Variants in TRIM5 observed in about 807,000 individuals in gnomAD.
TRIM5 encodes tripartite motif containing 5.
Under a neutral mutation model 35.6 loss-of-function variants are expected in TRIM5, and 31 were observed. The ratio of observed to expected loss-of-function variants is 0.87; its 90% CI spans 0.65 to 1.18. The LOEUF (loss-of-function observed/expected upper bound fraction) is 1.18, where lower values mean the gene tolerates loss of function less well. Among genes scored for constraint, TRIM5 ranks in the 50% most tolerant of loss-of-function variants. The pLI, the probability that TRIM5 is intolerant of heterozygous loss-of-function variation, is 0.00. For synonymous variants in TRIM5, 243 were observed against 215.6 expected, an observed-to-expected ratio of 1.13 and a Z score of -1.11; for missense variants, 609 against 591.6, an observed-to-expected ratio of 1.03 and a Z score of -0.31.
the TRIM5 span, among the ~76,000 whole-genome samples, chr11:5,637,293 G>C: frequency 6.6e-6 from 1 of 152,180 alleles, no homozygotes; most frequent in Non-Finnish European, 1.5e-5. Context: ...GGGATGGATG[G>C]TGTTATCATA....
intron 4 of TRIM5, among the ~76,000 whole-genome samples, chr11:5,672,669 A>C (rs1191772630): frequency 6.6e-6 from 1 of 152,226 alleles, no homozygotes; most frequent in East Asian, 1.9e-4. Flanking sequence ...TTATTTCCCA[A>C]AGTATTTTCT....
At chr11:5,642,334 G>A in the TRIM5 span, 1 of 1,395,712 alleles carries the variant, frequency 7.2e-7, no homozygotes, top group Non-Finnish European at 1.0e-6. Flanking sequence ...TGAAGGAGAT[G>A]AAACCAGTGA....
the TRIM5 span, chr11:5,645,878 AAAAT>A: frequency 6.8e-6 from 1 of 147,620 alleles, no homozygotes; most frequent in Admixed American, 8.5e-5. Context: ...AAAAAAAAAA[AAAAT>A]ATATATATAT....
chr11:5,603,395 T>A, the TRIM5 span: 1 of 1,613,988 alleles, frequency 6.2e-7, no homozygotes, highest in Non-Finnish European at 8.5e-7. Flanking sequence ...CCCCTGAGCA[T>A]AGACTGTGGC....
At chr11:5,650,964 C>A in the TRIM5 span, among the ~76,000 whole-genome samples, 1 of 152,296 alleles carries the variant, frequency 6.6e-6, no homozygotes, top group South Asian at 2.1e-4. Context: ...GTCCCAGTGG[C>A]AGGGCAGATT....
the TRIM5 span, chr11:5,642,991 C>T: frequency 7.4e-7 from 1 of 1,355,518 alleles, no homozygotes; most frequent in African/African-American, 1.5e-5. Context: ...TTTTACCCCT[C>T]CAATTCATCA....
At chr11:5,672,219 T>C (rs1294153747) in intron 4 of TRIM5, among the ~76,000 whole-genome samples, 1 of 152,156 alleles carries the variant, frequency 6.6e-6, no homozygotes, top group Non-Finnish European at 1.5e-5. Context: ...CCTTTTTTTC[T>C]TTCTTTTTTT....
chr11:5,682,660 A>C (rs979244126), intron 1 of TRIM5, among the ~76,000 whole-genome samples: 16 of 152,058 alleles, frequency 1.1e-4, no homozygotes, highest in African/African-American at 3.6e-4. Flanking sequence ...GACAATCCCT[A>C]ATTGCCTTTA....
the TRIM5 span, chr11:5,610,276 G>A: frequency 6.2e-7 from 1 of 1,613,676 alleles, no homozygotes; most frequent in East Asian, 2.2e-5. Flanking sequence ...GAGTTTGGAT[G>A]TGAAATTACT....
At chr11:5,658,563 A>G (rs1336231694), downstream of TRIM5, among the ~76,000 whole-genome samples, 1 of 152,008 alleles carries the variant, frequency 6.6e-6, no homozygotes, top group East Asian at 1.9e-4. Flanking sequence ...ATACTGTTAT[A>G]TTTTTCTAAG....
the TRIM5 span, chr11:5,596,731 T>C: frequency 9.4e-7 from 1 of 1,064,902 alleles, no homozygotes; most frequent in Non-Finnish European, 1.4e-6. Flanking sequence ...TCCCCTGCCT[T>C]TCTCGGAACG....
chr11:5,674,241 C>G (rs1172639409), intron 4 of TRIM5, among the ~76,000 whole-genome samples: 1 of 152,118 alleles, frequency 6.6e-6, no homozygotes, highest in African/African-American at 2.4e-5. Flanking sequence ...AGATGGATGT[C>G]AGCAAAATAG....
chr11:5,646,571 G>C, the TRIM5 span, among the ~76,000 whole-genome samples: 1 of 152,106 alleles, frequency 6.6e-6, no homozygotes, highest in Non-Finnish European at 1.5e-5. Context: ...TCTTAGATGA[G>C]AAGCTCAACA....
At chr11:5,610,698 C>T in the TRIM5 span, 4 of 1,574,948 alleles carry the variant, frequency 2.5e-6, no homozygotes, top group Non-Finnish European at 3.5e-6. Context: ...CCTCCAACCA[C>T]TTCCTGTGTT....
chr11:5,660,295 G>C (rs12787432), downstream of TRIM5, among the ~76,000 whole-genome samples: 1 of 151,926 alleles, frequency 6.6e-6, no homozygotes. Context: ...TTTCAAAGCA[G>C]CAAGTACATA....
the TRIM5 span, among the ~76,000 whole-genome samples, chr11:5,594,097 G>T: frequency 0.019 from 2,927 of 152,180 alleles, 97 homozygotes; most frequent in African/African-American, 0.067. Flanking sequence ...AGATTCCTAC[G>T]AGTGGATTTG....
the TRIM5 span, among the ~76,000 whole-genome samples, chr11:5,650,102 C>G: frequency 6.6e-6 from 1 of 152,172 alleles, no homozygotes; most frequent in Non-Finnish European, 1.5e-5. Context: ...TTCTGTAAGT[C>G]TGAGGATGGT....
At chr11:5,629,750 C>T in the TRIM5 span, among the ~76,000 whole-genome samples, 4 of 152,202 alleles carry the variant, frequency 2.6e-5, no homozygotes, top group Non-Finnish European at 5.9e-5. Context: ...CTCTGTCGCC[C>T]GGGCTGGAGT....
chr11:5,651,144 T>C, the TRIM5 span, among the ~76,000 whole-genome samples: 1 of 152,352 alleles, frequency 6.6e-6, no homozygotes, highest in Middle Eastern at 3.4e-3. Flanking sequence ...CTTTTGGTTG[T>C]AGGCATGGCC....
Sources: gnomAD v4.1 joint callset for allele counts (sites outside exome capture counted in the v4.1 genomes callset) on GRCh38, gnomAD v4.1.1 for gene constraint, MANE v1.5 for transcripts, NCBI Gene and HGNC (gene_info 2026-07-23, HGNC 2026-07-21) for gene names.